Variants in LONP2 observed in about 807,000 individuals in gnomAD.
LONP2 encodes the protein lon peptidase 2, peroxisomal, also known as lon protease homolog 2, peroxisomal.
A neutral mutation model predicts 85.6 loss-of-function variants in LONP2; 60 were observed. The observed-to-expected ratio is 0.70, with a 90% CI of 0.57 to 0.87. The LOEUF (loss-of-function observed/expected upper bound fraction) is 0.87. Ranked by LOEUF, LONP2 falls within the 40% of genes least tolerant of loss-of-function variation. The pLI is 0.00. For synonymous variants in LONP2, 395 were observed against 389.7 expected, an observed-to-expected ratio of 1.01 and a Z score of -0.16; for missense variants, 860 against 1,063.5, an observed-to-expected ratio of 0.81 and a Z score of 2.66.
In LONP2 at chr16:48,347,685, G is replaced by A; in HGVS notation, c.2117G>A (p.Ser706Asn). The change falls in exon 13 of 15, where the codon AGC (serine) becomes AAC (asparagine). Residue 706 changes from serine (S) to asparagine (N), a missense_variant. By Grantham distance (46) the Ser-to-Asn change is conservative. Transcript: ENST00000285737. ...CACCTCGCTATCAGCTGGCTCCGCA[G>A]CAACGCAAAGAAGTACCAGCTGACC... ...SAHLAISWLR[S>N]NAKKYQLTNA... The A allele has an allele frequency of 6.2e-7, 1 of 1,613,898 alleles. No individual in the cohort carries two copies. The highest frequency in any genetic ancestry group is 8.5e-7 in the Non-Finnish European group (1 of 1,179,970).
rs756730196 is a variant in LONP2 at position 48,244,514 on chromosome 16, G to T, written c.126G>T (p.Val42=). The T allele has an allele frequency of 6.9e-5, 110 of 1,589,838 alleles. 2 individuals are homozygous for T. In the South Asian group the frequency reaches 1.2e-3, roughly 18 times the overall value. Residue 42 remains valine, a synonymous_variant, in exon 1 of 15, where the codon GTG becomes GTT. Coordinates refer to ENST00000285737, the MANE Select transcript of LONP2 (RefSeq NM_031490.5). The stretch of plus-strand genomic sequence containing the variant: ...ACTCGGCCCGCAACCTGCAGCTGGT[G>T]CGGAGCCGCCTTCTGAAGGGCACGT... ...SVDSARNLQL[V]RSRLLKGTSL...
At chr16:48,289,425 C>T (rs1289591394) in intron 8 of LONP2, among the ~76,000 whole-genome samples, 4 of 152,146 alleles carry the variant, frequency 2.6e-5, no homozygotes, top group African/African-American at 9.7e-5. Context: ...CCCTTGTGTT[C>T]TTTTGAGTTT....
At chr16:48,281,900 G>A (rs554934097) in intron 8 of LONP2, among the ~76,000 whole-genome samples, 1 of 152,160 alleles carries the variant, frequency 6.6e-6, no homozygotes, top group Non-Finnish European at 1.5e-5. Context: ...AGAAGAGAGG[G>A]ACTTAGACAT....
chr16:48,265,605 A>G (rs1463428016), intron 6 of LONP2, among the ~76,000 whole-genome samples: 1 of 152,174 alleles, frequency 6.6e-6, no homozygotes, highest in Non-Finnish European at 1.5e-5. Flanking sequence ...TGCCAGAATC[A>G]TACTCTCTGA....
At chr16:48,347,425 C>T (rs2151033038) in intron 12 of LONP2, 82 bp from the exon 13 acceptor site, 1 of 1,380,118 alleles carries the variant, frequency 7.2e-7, no homozygotes, top group East Asian at 2.3e-5. Flanking sequence ...TCTGTGGAGT[C>T]AGCCGACTCT....
intron 4 of LONP2, 83 bp from the exon 5 acceptor site, chr16:48,261,341 C>A (rs2150969396): frequency 2.2e-6 from 2 of 928,888 alleles, no homozygotes; most frequent in African/African-American, 3.4e-5. Context: ...TATTCAGCAC[C>A]AGTCATAATC....
rs1286551975 is a variant in LONP2, at chr16:48,257,350, A to G, written c.600+609A>G. 2.0e-5 allele frequency among the ~76,000 whole-genome samples: 3 copies of G among 152,160 alleles called. No individual in the cohort carries two copies. In the East Asian group the frequency reaches 5.8e-4, roughly 29 times the overall value. On this transcript the variant is annotated intron_variant, in intron 3 of 14. Coordinates refer to ENST00000285737, the MANE Select transcript of LONP2 (RefSeq NM_031490.5). ...AATATTTAATTTAACTTAAATATGT[A>G]GACATTCTTTGATTCACTATTTTTA...
chr16:48,325,660 G>A (rs757708877), intron 11 of LONP2, among the ~76,000 whole-genome samples: 32 of 152,190 alleles, frequency 2.1e-4, no homozygotes, highest in Admixed American at 4.6e-4. Flanking sequence ...CCATTCATCC[G>A]TTGATGGATG....
chr16:48,317,889 A>G (rs143028176), intron 11 of LONP2, among the ~76,000 whole-genome samples: 8 of 152,336 alleles, frequency 5.3e-5, no homozygotes, highest in African/African-American at 1.9e-4. Context: ...TTGTAGCTCA[A>G]TATGGATCCT....
intron 2 of LONP2, among the ~76,000 whole-genome samples, chr16:48,253,383 T>A (rs991713299): frequency 2.0e-5 from 3 of 151,866 alleles, no homozygotes; most frequent in Non-Finnish European, 2.9e-5. Flanking sequence ...GGTGGGAGGA[T>A]TACTTGAACC....
In LONP2 at chr16:48,321,509, G is replaced by A. The variant is rs13380589; in HGVS notation, c.1796-12707G>A. Among the ~76,000 whole-genome samples the A allele has an allele frequency of 7.4e-3, 1,120 of 152,252 alleles. 14 individuals carry two copies. Among genetic ancestry groups the A allele is most frequent in the African/African-American group, 0.025 (1,055 of 41,534 alleles). ...CATTTACTGAATAGTCATATGCGTT[G>A]CTTAATGATGGGGATAATGTTCTGA... On this transcript the variant is annotated intron_variant, in intron 11 of 14. Coordinates refer to ENST00000285737, the MANE Select transcript of LONP2 (RefSeq NM_031490.5).
At chr16:48,350,533 G>C (rs1327884474) in intron 14 of LONP2, among the ~76,000 whole-genome samples, 1 of 152,190 alleles carries the variant, frequency 6.6e-6, no homozygotes, top group African/African-American at 2.4e-5. Context: ...TTTTGAAGAA[G>C]GTACTTTGAA....
intron 6 of LONP2, among the ~76,000 whole-genome samples, chr16:48,264,886 A>G (rs1411946844): frequency 1.3e-5 from 2 of 151,018 alleles, no homozygotes; most frequent in Non-Finnish European, 2.9e-5. Context: ...ACCAATTTAC[A>G]TTCCGAACAA....
intron 11 of LONP2, among the ~76,000 whole-genome samples, chr16:48,306,822 A>G (rs183131672): frequency 6.6e-6 from 1 of 152,342 alleles, no homozygotes; most frequent in Non-Finnish European, 1.5e-5. Flanking sequence ...TAAGAAATGA[A>G]TTAATTAAAA....
At chr16:48,262,678 C>T (rs952893357) in intron 5 of LONP2, 100 bp from the exon 6 acceptor site, 1 of 669,736 alleles carries the variant, frequency 1.5e-6, no homozygotes, top group Admixed American at 3.0e-5. Context: ...TTTAAACATG[C>T]ATGATATATC....
rs759469371 is a variant in LONP2, at chr16:48,256,591, CT to C, written c.469-12del. The stretch of plus-strand genomic sequence containing the variant: ...ATAATGCCAGATTTCATTTAAAAGA[CT>C]TTTTTTCCCCCTTCTAGTTGGTTGA... On this transcript the variant is annotated intron_variant, in intron 2 of 14. Coordinates refer to ENST00000285737, the MANE Select transcript of LONP2 (RefSeq NM_031490.5). 49 of 1,604,952 alleles carry C rather than the reference CT, an allele frequency of 3.1e-5. No individual in the cohort carries two copies. Among genetic ancestry groups the C allele is most frequent in the Middle Eastern group, 3.3e-4 (2 of 6,062 alleles).
chr16:48,295,962 A>T, intron 8 of LONP2, 53 bp from the exon 9 acceptor site: 1 of 1,566,894 alleles, frequency 6.4e-7, no homozygotes, highest in Non-Finnish European at 8.8e-7. Flanking sequence ...ACTTATATAC[A>T]GCCTTCTGTT....
At chr16:48,319,268 C>G (rs62059412) in intron 11 of LONP2, among the ~76,000 whole-genome samples, 76 of 152,146 alleles carry the variant, frequency 5.0e-4, no homozygotes, top group Non-Finnish European at 8.4e-4. Flanking sequence ...GTAATCTCAG[C>G]TACTTGGGAG....
chr16:48,297,044 G>C (rs2150996724), intron 9 of LONP2, among the ~76,000 whole-genome samples: 1 of 152,178 alleles, frequency 6.6e-6, no homozygotes, highest in African/African-American at 2.4e-5. Flanking sequence ...AGTCTAGCTT[G>C]TTGCCCAGGC....
Sources: gnomAD v4.1 joint callset for allele counts (sites outside exome capture counted in the v4.1 genomes callset) on GRCh38, gnomAD v4.1.1 for gene constraint, MANE v1.5 for transcripts, NCBI Gene and HGNC (gene_info 2026-07-23, HGNC 2026-07-21) for gene names.